CACNA2D3: variants seen among roughly 807,000 people sequenced by gnomAD.
The protein encoded by CACNA2D3 is calcium voltage-gated channel auxiliary subunit alpha2delta 3.
CACNA2D3 carries 60 observed loss-of-function variants against 160.6 expected under a neutral mutation model. The ratio of observed to expected loss-of-function variants is 0.37; its 90% CI spans 0.30 to 0.46. The LOEUF is 0.46. Among genes scored for constraint, CACNA2D3 ranks in the 20% least tolerant of loss-of-function variants. CACNA2D3 has a pLI of 1.00. For missense variants in CACNA2D3, 1,205 were observed against 1,365.0 expected (o/e 0.88, Z 1.85); for synonymous variants, 558 against 492.9 (o/e 1.13, Z -1.75).
intron 11 of CACNA2D3, among the ~76,000 whole-genome samples, chr3:54,731,532 A>C (rs1701386326): frequency 6.6e-6 from 1 of 152,166 alleles, no homozygotes. Flanking sequence ...TCTCTCTTCA[A>C]GGTCACACTG....
intron 3 of CACNA2D3, among the ~76,000 whole-genome samples, chr3:54,367,043 TA>T (rs974418417): frequency 1.2e-4 from 18 of 152,322 alleles, no homozygotes; most frequent in African/African-American, 4.3e-4. Flanking sequence ...TGGAAGTTGT[TA>T]GGAGTGATAA....
At chr3:54,736,908 C>T (rs893517882) in intron 11 of CACNA2D3, among the ~76,000 whole-genome samples, 3 of 152,164 alleles carry the variant, frequency 2.0e-5, no homozygotes, top group Admixed American at 6.5e-5. Context: ...AGAATGATGA[C>T]AGTGACCACC....
intron 27 of CACNA2D3, among the ~76,000 whole-genome samples, chr3:54,908,010 A>G (rs1421476034): frequency 6.6e-6 from 1 of 152,232 alleles, no homozygotes; most frequent in African/African-American, 2.4e-5. Flanking sequence ...TAATGTTGAT[A>G]TGAGCATCCA....
At chr3:54,232,569 A>G (rs1701794256) in intron 2 of CACNA2D3, among the ~76,000 whole-genome samples, 2 of 152,180 alleles carry the variant, frequency 1.3e-5, no homozygotes, top group Non-Finnish European at 2.9e-5. Flanking sequence ...GTTTTGGTTG[A>G]AAGAGCGTCC....
At chr3:54,276,572 C>CAA (rs34052239) in intron 2 of CACNA2D3, among the ~76,000 whole-genome samples, 1,690 of 114,538 alleles carry the variant, frequency 0.015, 49 homozygotes, top group East Asian at 0.063. Context: ...GACTCTGTCT[C>CAA]AAAAAAAAAA....
rs570416179 is a variant in CACNA2D3, at chr3:54,271,830, A to G, written c.205-48612A>G. 1.1e-4 allele frequency among the ~76,000 whole-genome samples: 16 copies of G among 152,238 alleles called. No individual in the cohort carries two copies. The South Asian group carries it at 2.9e-3, about 28-fold the overall frequency. On this transcript the variant is annotated intron_variant, in intron 2 of 37. Coordinates refer to ENST00000474759, the MANE Select transcript of CACNA2D3 (RefSeq NM_018398.3). ...GTTTATGGAGACATCCTTGCTCCCAATCACCTTTGATTTTGTCTCGGAGAA... is the reference window on the plus strand; with the variant it reads ...GTTTATGGAGACATCCTTGCTCCCAGTCACCTTTGATTTTGTCTCGGAGAA...
At chr3:54,161,244 C>T (rs556265125) in intron 2 of CACNA2D3, among the ~76,000 whole-genome samples, 1 of 152,214 alleles carries the variant, frequency 6.6e-6, no homozygotes, top group Non-Finnish European at 1.5e-5. Context: ...CAAACCCAAC[C>T]CATCTCCACT....
chr3:54,722,363 T>C (rs1203868446), intron 11 of CACNA2D3, among the ~76,000 whole-genome samples: 8 of 152,342 alleles, frequency 5.3e-5, no homozygotes, highest in African/African-American at 1.7e-4. Flanking sequence ...CATGCTCCTT[T>C]AGCTTGGAGG....
At chr3:54,333,545 C>T (rs911657185) in intron 3 of CACNA2D3, among the ~76,000 whole-genome samples, 1 of 151,882 alleles carries the variant, frequency 6.6e-6, no homozygotes, top group African/African-American at 2.4e-5. Flanking sequence ...GTTGCCTGTT[C>T]CTCTCTTCCA....
intron 2 of CACNA2D3, among the ~76,000 whole-genome samples, chr3:54,164,189 A>G (rs1700405078): frequency 6.6e-6 from 1 of 152,150 alleles, no homozygotes; most frequent in Non-Finnish European, 1.5e-5. Flanking sequence ...TCTGTGTGTG[A>G]GGGAAATCAG....
At chr3:54,705,028 C>G (rs936695961) in intron 11 of CACNA2D3, among the ~76,000 whole-genome samples, 2 of 152,112 alleles carry the variant, frequency 1.3e-5, no homozygotes, top group Non-Finnish European at 2.9e-5. Flanking sequence ...TGGAGTGTAG[C>G]TGGCCCAGCC....
intron 2 of CACNA2D3, among the ~76,000 whole-genome samples, chr3:54,276,190 C>T (rs1202478465): frequency 6.6e-6 from 1 of 152,082 alleles, no homozygotes; most frequent in Non-Finnish European, 1.5e-5. Context: ...CCCACTGCCC[C>T]CTTGTTGAGG....
At chr3:54,603,288 G>C (rs1378156143) in intron 9 of CACNA2D3, among the ~76,000 whole-genome samples, 1 of 152,174 alleles carries the variant, frequency 6.6e-6, no homozygotes, top group Non-Finnish European at 1.5e-5. Context: ...AAGGCTCCAG[G>C]ACTGCTGAGT....
At chr3:54,563,476 C>T (rs527567516) in intron 6 of CACNA2D3, among the ~76,000 whole-genome samples, 1 of 152,326 alleles carries the variant, frequency 6.6e-6, no homozygotes, top group African/African-American at 2.4e-5. Context: ...CTAGCACCCC[C>T]AGTACTCCCA....
At chr3:54,740,294 G>A (rs1228790013) in intron 11 of CACNA2D3, among the ~76,000 whole-genome samples, 2 of 152,094 alleles carry the variant, frequency 1.3e-5, no homozygotes, top group African/African-American at 4.8e-5. Flanking sequence ...CTGACTGAAG[G>A]TAAGAAATAA....
At chr3:54,705,814 G>A (rs536103108) in intron 11 of CACNA2D3, among the ~76,000 whole-genome samples, 51 of 152,150 alleles carry the variant, frequency 3.4e-4, no homozygotes, top group Non-Finnish European at 5.9e-4. Context: ...TTTGCTATGC[G>A]GATATGTGTC....
intron 14 of CACNA2D3, among the ~76,000 whole-genome samples, chr3:54,819,319 C>T (rs1703532467): frequency 6.6e-6 from 1 of 152,150 alleles, no homozygotes; most frequent in South Asian, 2.1e-4. Context: ...CTTCTCTTAC[C>T]TGTTCCTCGC....
chr3:54,353,458 A>AT (rs33922758), intron 3 of CACNA2D3, among the ~76,000 whole-genome samples: 3,053 of 147,122 alleles, frequency 0.021, 91 homozygotes, highest in African/African-American at 0.07. Flanking sequence ...CAGGAATAGC[A>AT]TTTTTTTTTT....
intron 9 of CACNA2D3, among the ~76,000 whole-genome samples, chr3:54,583,492 G>A (rs188371753): frequency 2.6e-5 from 4 of 152,198 alleles, no homozygotes; most frequent in East Asian, 1.9e-4. Context: ...TAGACATAAC[G>A]CAACAAACAA....
Sources: gnomAD v4.1 joint callset for allele counts (sites outside exome capture counted in the v4.1 genomes callset) on GRCh38, gnomAD v4.1.1 for gene constraint, MANE v1.5 for transcripts, NCBI Gene and HGNC (gene_info 2026-07-23, HGNC 2026-07-21) for gene names.